Variants in SUPT5H observed in about 807,000 individuals in gnomAD.
The protein encoded by SUPT5H is SPT5 homolog, DSIF elongation factor subunit, also known as transcription elongation factor SPT5.
A neutral mutation model predicts 142.5 loss-of-function variants in SUPT5H; 24 were observed. The ratio of observed to expected loss-of-function variants is 0.17; its 90% confidence interval spans 0.12 to 0.24. The LOEUF is 0.24. SUPT5H is among the 10% of genes least tolerant of loss of function. The pLI, the probability that SUPT5H is intolerant of heterozygous loss-of-function variation, is 1.00. For missense variants in SUPT5H, 893 were observed against 1,471.8 expected (o/e 0.61, Z 6.43); for synonymous variants, 546 against 553.0 (o/e 0.99, Z 0.18).
rs1416049264 is a variant in SUPT5H, at chr19:39,469,847, G to A, written c.1375-272G>A. On this transcript the variant is annotated intron_variant, in intron 16 of 29. Transcript: ENST00000432763. This position sits in a 1 kb window ranked among gnomAD's most constrained non-coding sequence, Gnocchi z 5.1. ...TCCAGTCGGGGGTCCTGTGTCTGAG[G>A]GGCAGGCTCTCTGTGTGGGTATAGG... is the stretch of plus-strand genomic sequence containing the variant. The A allele has an allele frequency of 2.0e-6, 1 of 497,818 alleles. No individual in the cohort carries two copies. The highest frequency in any genetic ancestry group is 3.6e-5 in the Admixed American group (1 of 27,622). The allele number at this position is 497,818 out of a possible 1,614,324, so 30.8% of individuals were successfully genotyped here.
Position 39,459,625 on chromosome 19 carries a change from G to T in SUPT5H, c.555+36G>T, listed in dbSNP as rs758371189. 44 of 1,612,884 alleles carry T rather than the reference G, an allele frequency of 2.7e-5. 1 individual carries two copies. In the South Asian group the frequency reaches 4.8e-4, roughly 18 times the overall value. On this transcript the variant is annotated intron_variant, in intron 9 of 29. Transcript: ENST00000432763. ...TGATCTCGGGGCTTGGAGGAGGTGG[G>T]AGAATGAGGGAGGCTGCTTTGTGGG...
chr19:39,473,094 C>T lies in SUPT5H; in HGVS notation c.2238C>T (p.Asp746=), dbSNP rs1284214580. ...CCACCTGCCAGACCATCTCTGTGGA[C>T]CGTCAGCGGCTCACCACGGTGTACG... ...LHSTCQTISV[D]RQRLTTVGSR... Residue 746 remains aspartate (D), a synonymous_variant, in exon 23 of 30, where the codon GAC becomes GAT. Coordinates refer to ENST00000432763, the MANE Select transcript of SUPT5H (RefSeq NM_001111020.3). This position sits in a 1 kb window ranked among gnomAD's most constrained non-coding sequence, Gnocchi z 5.8. The T allele has an allele frequency of 6.2e-7, 1 of 1,613,526 alleles. No individual in the cohort carries two copies. The highest frequency in any genetic ancestry group is 8.5e-7 in the Non-Finnish European group (1 of 1,179,922).
At chr19:39,447,094 G>A (rs528986504) in intron 2 of SUPT5H, among the ~76,000 whole-genome samples, 2 of 152,052 alleles carry the variant, frequency 1.3e-5, no homozygotes, top group South Asian at 4.2e-4. Context: ...GAGCCAGAAG[G>A]TGAAGGTCTA....
chr19:39,469,448 G>T lies in SUPT5H; in HGVS notation c.1374+50G>T, dbSNP rs867462316. On this transcript the variant is annotated intron_variant, in intron 16 of 29. Transcript: ENST00000432763. The surrounding 1 kb of genome is among the most constrained non-coding windows in gnomAD (Gnocchi z 5.1). Reference sequence around the variant, plus strand: ...GGGGTTGGAGTGTTCAGGCACATCTGACTGTATGTGGCTGTCGAGGCGGTG... The same window carrying T: ...GGGGTTGGAGTGTTCAGGCACATCTTACTGTATGTGGCTGTCGAGGCGGTG... The T allele has an allele frequency of 5.0e-6, 8 of 1,612,188 alleles. No homozygotes were observed. The Middle Eastern group carries it at 6.6e-4, about 133-fold the overall frequency.
At chr19:39,459,735 C>T (rs1043935669) in intron 9 of SUPT5H, 146 bp downstream of exon 9, 3 of 1,280,220 alleles carry the variant, frequency 2.3e-6, no homozygotes, top group East Asian at 4.6e-5. Context: ...ACGTTACTGA[C>T]TGGCTATCTC....
chr19:39,457,919 A>G, intron 4 of SUPT5H, 179 bp downstream of exon 4: 1 of 810,840 alleles, frequency 1.2e-6, no homozygotes, highest in East Asian at 4.0e-5. Flanking sequence ...TAGGCCCATG[A>G]GTGGGGGGTG....
intron 10 of SUPT5H, among the ~76,000 whole-genome samples, chr19:39,462,229 G>A (rs1335293085): frequency 2.0e-5 from 3 of 151,826 alleles, no homozygotes; most frequent in African/African-American, 4.8e-5. Flanking sequence ...TTTTTTTAAA[G>A]TGTAAACTGT....
chr19:39,469,876 G>T lies in SUPT5H; in HGVS notation c.1375-243G>T. ...AGGCTCTCTGTGTGGGTATAGGTAG[G>T]CATCGTGTGTCTTGAGGGCGGGCTG... is the stretch of plus-strand genomic sequence containing the variant. On this transcript the variant is annotated intron_variant, in intron 16 of 29. Coordinates refer to ENST00000432763, the MANE Select transcript of SUPT5H (RefSeq NM_001111020.3). The surrounding 1 kb of genome is among the most constrained non-coding windows in gnomAD (Gnocchi z 5.1). 3.8e-6 allele frequency: 2 copies of T among 530,434 alleles called. No homozygotes were observed. The highest frequency in any genetic ancestry group is 3.4e-6 in the Non-Finnish European group (1 of 296,726). 32.9% of individuals were successfully genotyped at this position (530,434 alleles called of 1,614,324 possible). A position where few individuals can be genotyped will look rare whatever the true frequency, so the allele number is the denominator to read the frequency against.
In SUPT5H at chr19:39,470,098, T is replaced by C. The variant is rs763528115; in HGVS notation, c.1375-21T>C. On this transcript the variant is annotated intron_variant, in intron 16 of 29. Transcript: ENST00000432763. The surrounding 1 kb of genome is among the most constrained non-coding windows in gnomAD (Gnocchi z 5.8). ...GTGGTCTCCCTTCACCTGTTTGTTG[T>C]CCCCACACCCAATCCCCCAGGACAT... The C allele has an allele frequency of 6.2e-7, 1 of 1,607,380 alleles. No individual in the cohort carries two copies. Among genetic ancestry groups the C allele is most frequent in the Admixed American group, 1.7e-5 (1 of 59,440 alleles).
intron 2 of SUPT5H, among the ~76,000 whole-genome samples, chr19:39,446,614 C>A (rs1041290505): frequency 1.3e-5 from 2 of 152,078 alleles, no homozygotes; most frequent in Admixed American, 6.6e-5. Context: ...CAGGGATTAA[C>A]GAGGATTTGA....
rs1568433649 is a variant in SUPT5H at position 39,473,487 on chromosome 19, G to T, written c.2458G>T (p.Ala820Ser). The change falls in exon 25 of 30, where the codon GCC (alanine) becomes TCC (serine). Residue 820 changes from alanine to serine, a missense_variant. Physicochemically the swap from Ala to Ser is moderately conservative, Grantham distance 99 (BLOSUM62 1). Around this residue, in one of 6 missense-constraint regions of SUPT5H, gnomAD observed 336 missense variants for 546.5 expected, o/e 0.61. Transcript: ENST00000432763. This position sits in a 1 kb window ranked among gnomAD's most constrained non-coding sequence, Gnocchi z 5.8. ...CAGCCGCACTCCTGCCCAGAGTGGG[G>T]CCTGGGACCCCAACAACCCCAACAC... ...DGSRTPAQSG[A>S]WDPNNPNTPS... 7 of 1,612,340 alleles carry T rather than the reference G, an allele frequency of 4.3e-6. No individual in the cohort carries two copies. The highest frequency in any genetic ancestry group is 5.1e-6 in the Non-Finnish European group (6 of 1,179,932).
Position 39,469,187 on chromosome 19 carries a change from T to G in SUPT5H, c.1237+15T>G, listed in dbSNP as rs1244879123. Reference sequence around the variant, plus strand: ...TGAGAGCACAGGTATTTGATCCCCCTCTATAACCTGGGCCAAGGAGCAGGG... The same window carrying G: ...TGAGAGCACAGGTATTTGATCCCCCGCTATAACCTGGGCCAAGGAGCAGGG... On this transcript the variant is annotated intron_variant, in intron 15 of 29. Coordinates refer to ENST00000432763, the MANE Select transcript of SUPT5H (RefSeq NM_001111020.3). This position sits in a 1 kb window ranked among gnomAD's most constrained non-coding sequence, Gnocchi z 5.1. 2 of 1,614,156 alleles carry G rather than the reference T, an allele frequency of 1.2e-6. No individual in the cohort carries two copies. Among genetic ancestry groups the G allele is most frequent in the Non-Finnish European group, 1.7e-6 (2 of 1,180,002 alleles).
In SUPT5H at chr19:39,474,162, A is replaced by G; in HGVS notation, c.2651+41A>G. On this transcript the variant is annotated intron_variant, in intron 26 of 29. Transcript: ENST00000432763. This position sits in a 1 kb window ranked among gnomAD's most constrained non-coding sequence, Gnocchi z 6.5. ...CCTGCCCTCGTCTACCCCTGCCCAA[A>G]CCCTCCTACTGCCACCACCTCTTTT... The G allele has an allele frequency of 6.2e-7, 1 of 1,608,830 alleles. No homozygotes were observed. Among genetic ancestry groups the G allele is most frequent in the Non-Finnish European group, 8.5e-7 (1 of 1,177,316 alleles).
intron 2 of SUPT5H, among the ~76,000 whole-genome samples, chr19:39,449,831 G>A (rs955572124): frequency 6.6e-6 from 1 of 151,922 alleles, no homozygotes; most frequent in African/African-American, 2.4e-5. Context: ...GTAGAGATGG[G>A]GTTTCACCAT....
Position 39,476,153 on chromosome 19 carries a change from A to C in SUPT5H, c.3097A>C (p.Ile1033Leu). 6.2e-7 allele frequency: 1 copy of C among 1,614,078 alleles called. No individual in the cohort carries two copies. The highest frequency in any genetic ancestry group is 2.2e-5 in the East Asian group (1 of 44,878). ...VSISSEHLEP[I>L]TPTKNNKVKV... ...CATTTCCAGTGAGCACCTGGAGCCTATCACCCCCACCAAGAACAACAAGGT... is the reference window on the plus strand; with the variant it reads ...CATTTCCAGTGAGCACCTGGAGCCTCTCACCCCCACCAAGAACAACAAGGT... Residue 1033 changes from isoleucine (I) to leucine (L), a missense_variant, in exon 29 of 30, where the codon ATC (isoleucine) becomes CTC (leucine). Around this residue, in one of 6 missense-constraint regions of SUPT5H, gnomAD observed 336 missense variants for 546.5 expected, o/e 0.61. Transcript: ENST00000432763.
At chr19:39,459,273 G>T in intron 8 of SUPT5H, 24 bp downstream of exon 8, 1 of 1,555,152 alleles carries the variant, frequency 6.4e-7, no homozygotes, top group Non-Finnish European at 8.7e-7. Context: ...GATGGTGGGG[G>T]CCGTGCTGGG....
chr19:39,468,954 A>G (rs2146117792), intron 14 of SUPT5H, 93 bp downstream of exon 14: 3 of 1,548,720 alleles, frequency 1.9e-6, no homozygotes, highest in Non-Finnish European at 1.8e-6. Context: ...GTTCTGTCCC[A>G]CTCCTCAAGT....
In SUPT5H at chr19:39,471,634, C is replaced by G; in HGVS notation, c.1854C>G (p.Phe618Leu). Residue 618 changes from phenylalanine to leucine, a missense_variant, in exon 20 of 30, where the codon TTC (phenylalanine) becomes TTG (leucine). By Grantham distance (22) the Phe-to-Leu change is conservative. This residue lies in a region of SUPT5H where 428 missense variants were observed against 763.5 expected (regional missense o/e 0.56). Transcript: ENST00000432763. ...SGREGEIRHL[F>L]RSFAFLHCKK... is the part of the protein sequence containing the mutation. ...GAGAAGGGGAGATTCGCCATCTCTT[C>G]CGAAGCTTCGCCTTCCTACATTGCA... The G allele has an allele frequency of 6.2e-7, 1 of 1,614,226 alleles. No homozygotes were observed. Among genetic ancestry groups the G allele is most frequent in the Non-Finnish European group, 8.5e-7 (1 of 1,180,034 alleles).
intron 3 of SUPT5H, among the ~76,000 whole-genome samples, chr19:39,456,445 G>A (rs2146088540): frequency 6.7e-6 from 1 of 148,548 alleles, no homozygotes; most frequent in East Asian, 2.0e-4. Flanking sequence ...TTGAGACGGA[G>A]TTTCCCTCTG....
Sources: gnomAD v4.1 joint callset for allele counts (sites outside exome capture counted in the v4.1 genomes callset) on GRCh38, gnomAD v4.1.1 for gene constraint, gnomAD v4.1.1 regional missense constraint, Gnocchi (gnomAD v3.1) non-coding constraint, MANE v1.5 for transcripts, NCBI Gene and HGNC (gene_info 2026-07-23, HGNC 2026-07-21) for gene names.